The following SUPT3H variants were observed in gnomAD, a reference collection of about 807,000 sequenced individuals.
The protein encoded by SUPT3H is transcription initiation protein SPT3 homolog.
SUPT3H carries 44 observed loss-of-function variants against 44.3 expected under a neutral mutation model. That is an observed-to-expected ratio of 0.99 (90% confidence interval 0.78 to 1.28). The LOEUF (loss-of-function observed/expected upper bound fraction) is 1.28, where lower values mean the gene tolerates loss of function less well. Among genes scored for constraint, SUPT3H ranks in the 50% most tolerant of loss-of-function variants. The probability of loss-of-function intolerance (pLI) is 0.00; values close to 1 mark genes in which losing one functional copy is unlikely to be tolerated. For missense variants in SUPT3H, 380 were observed against 387.1 expected (o/e 0.98, Z 0.15); for synonymous variants, 124 against 125.6 (o/e 0.99, Z 0.09).
chr6:45,229,846 T>C (rs1384457443), intron 2 of SUPT3H, among the ~76,000 whole-genome samples: 2 of 152,196 alleles, frequency 1.3e-5, no homozygotes, highest in East Asian at 3.8e-4. Context: ...TATCAAGTCC[T>C]CTAGTTACTT....
chr6:44,892,323 C>T (rs1402256844), intron 10 of SUPT3H, among the ~76,000 whole-genome samples: 1 of 152,074 alleles, frequency 6.6e-6, no homozygotes, highest in East Asian at 1.9e-4. Context: ...GGATCTCTCT[C>T]TCCACAGACA....
chr6:44,867,475 T>A (rs2153428374), intron 10 of SUPT3H, among the ~76,000 whole-genome samples: 1 of 152,316 alleles, frequency 6.6e-6, no homozygotes, highest in East Asian at 1.9e-4. Context: ...TGCTTTAAAT[T>A]TCATCTTCTA....
At chr6:45,158,378 C>A (rs1808367843) in intron 2 of SUPT3H, among the ~76,000 whole-genome samples, 1 of 141,746 alleles carries the variant, frequency 7.1e-6, no homozygotes, top group African/African-American at 2.7e-5. Context: ...CGGCTCACTG[C>A]AACTGAAATA....
intron 2 of SUPT3H, among the ~76,000 whole-genome samples, chr6:45,307,054 G>C (rs575339916): frequency 6.6e-6 from 1 of 152,330 alleles, no homozygotes; most frequent in East Asian, 1.9e-4. Flanking sequence ...ACTGCAAGGC[G>C]GCAGCAAGGC....
intron 2 of SUPT3H, among the ~76,000 whole-genome samples, chr6:45,274,654 G>T (rs888304250): frequency 6.6e-6 from 1 of 152,206 alleles, no homozygotes; most frequent in African/African-American, 2.4e-5. Context: ...GCTGAGGCAG[G>T]TGGATGGCTT....
At chr6:45,275,216 C>G (rs1220505414) in intron 2 of SUPT3H, among the ~76,000 whole-genome samples, 3 of 152,070 alleles carry the variant, frequency 2.0e-5, no homozygotes, top group Non-Finnish European at 2.9e-5. Flanking sequence ...GGCTTGGTGA[C>G]TGGGAACATG....
chr6:45,177,783 G>T (rs1372267823), intron 2 of SUPT3H, among the ~76,000 whole-genome samples: 6 of 152,006 alleles, frequency 3.9e-5, no homozygotes, highest in African/African-American at 1.2e-4. Context: ...TTAAAGAAAA[G>T]AATTTTCAAC....
intron 10 of SUPT3H, among the ~76,000 whole-genome samples, chr6:44,892,199 T>C (rs1440572976): frequency 6.6e-6 from 1 of 152,108 alleles, no homozygotes; most frequent in African/African-American, 2.4e-5. Flanking sequence ...CCAATGTGAC[T>C]ATATTTGGAG....
chr6:45,258,520 A>G (rs767216422), intron 2 of SUPT3H, among the ~76,000 whole-genome samples: 10 of 152,214 alleles, frequency 6.6e-5, no homozygotes, highest in Admixed American at 3.3e-4. Flanking sequence ...ACACCATCTC[A>G]GAAATAAGAA....
intron 2 of SUPT3H, among the ~76,000 whole-genome samples, chr6:45,184,057 CATCAGTTTTAACAA>C (rs571350540): frequency 1.2e-3 from 176 of 152,176 alleles, no homozygotes; most frequent in African/African-American, 4.0e-3. Context: ...GTATTTGGCT[CATCAGTTTTAACAA>C]ACACATCACA....
chr6:45,304,916 G>A (rs775991168), intron 2 of SUPT3H, among the ~76,000 whole-genome samples: 7 of 152,218 alleles, frequency 4.6e-5, no homozygotes, highest in East Asian at 1.9e-4. Flanking sequence ...AGCCTGAAAC[G>A]TTTATTTTTA....
chr6:45,354,281 A>C (rs1242469403), intron 2 of SUPT3H, among the ~76,000 whole-genome samples: 1 of 152,180 alleles, frequency 6.6e-6, no homozygotes, highest in Admixed American at 6.5e-5. Flanking sequence ...ATAGATATAC[A>C]CACAATGAAA....
intron 10 of SUPT3H, among the ~76,000 whole-genome samples, chr6:44,837,404 C>T (rs1310899102): frequency 2.0e-5 from 3 of 152,184 alleles, no homozygotes; most frequent in Non-Finnish European, 4.4e-5. Context: ...GCTTCTTTTC[C>T]TCTGGGCAAT....
intron 3 of SUPT3H, among the ~76,000 whole-genome samples, chr6:45,079,445 AG>A (rs1795483902): frequency 1.3e-5 from 2 of 150,472 alleles, no homozygotes; most frequent in Admixed American, 6.6e-5. Flanking sequence ...AGGAAGAAGA[AG>A]GGGGAAGAGG....
chr6:44,868,837 A>C (rs1775915212), intron 10 of SUPT3H, among the ~76,000 whole-genome samples: 1 of 152,216 alleles, frequency 6.6e-6, no homozygotes, highest in Non-Finnish European at 1.5e-5. Flanking sequence ...GGCTAAAGTC[A>C]CAACTGCAGA....
chr6:45,027,780 T>C (rs1319347458), intron 3 of SUPT3H, among the ~76,000 whole-genome samples: 1 of 152,222 alleles, frequency 6.6e-6, no homozygotes, highest in Non-Finnish European at 1.5e-5. Context: ...GTCATCCTTC[T>C]ATTCAATTGA....
rs557090522 is a variant in SUPT3H, at chr6:45,347,801, T to C, written c.101+17400A>G. Among the ~76,000 whole-genome samples the C allele has an allele frequency of 1.0e-4, 11 of 106,536 alleles. No homozygotes were observed. In the South Asian group the frequency reaches 2.7e-3, roughly 26 times the overall value. 69.9% of individuals were successfully genotyped at this position (106,536 alleles called of 152,430 possible). On this transcript the variant is annotated intron_variant, in intron 2 of 10. Coordinates refer to ENST00000371459, the MANE Select transcript of SUPT3H (RefSeq NM_003599.4). ...AGACGTATATTTCATTAAAACACTG[T>C]TTGTCTATTTATCAGAGAATAATTC...
chr6:45,239,221 T>C (rs538201372), intron 2 of SUPT3H, among the ~76,000 whole-genome samples: 1 of 152,342 alleles, frequency 6.6e-6, no homozygotes, highest in African/African-American at 2.4e-5. Flanking sequence ...GATGACTTTA[T>C]TTACCCAACT....
chr6:44,946,932 T>C (rs1202298579), intron 9 of SUPT3H, among the ~76,000 whole-genome samples: 1 of 152,114 alleles, frequency 6.6e-6, no homozygotes, highest in African/African-American at 2.4e-5. Flanking sequence ...TGTGGCAAAC[T>C]TCACACTGTT....
Sources: gnomAD v4.1 joint callset for allele counts (sites outside exome capture counted in the v4.1 genomes callset) on GRCh38, gnomAD v4.1.1 for gene constraint, MANE v1.5 for transcripts, NCBI Gene and HGNC (gene_info 2026-07-23, HGNC 2026-07-21) for gene names.